NEO1: variants seen among roughly 807,000 people sequenced by gnomAD.
The protein encoded by NEO1 is neogenin 1.
A neutral mutation model predicts 159.7 loss-of-function variants in NEO1; 63 were observed. That is an observed-to-expected ratio of 0.39 (90% CI 0.32 to 0.49). The LOEUF is 0.49. Among genes scored for constraint, NEO1 ranks in the 20% least tolerant of loss-of-function variants. NEO1 has a pLI of 0.85. For missense variants in NEO1, 1,615 were observed against 1,831.0 expected, an observed-to-expected ratio of 0.88 and a Z score of 2.15; for synonymous variants, 633 against 662.0, an observed-to-expected ratio of 0.96 and a Z score of 0.67.
At chr15:73,102,580 G>C (rs1420558158) in intron 1 of NEO1, among the ~76,000 whole-genome samples, 1 of 152,132 alleles carries the variant, frequency 6.6e-6, no homozygotes, top group Non-Finnish European at 1.5e-5. Flanking sequence ...TCTATCTAAT[G>C]AATGGCTGTG....
At chr15:73,103,894 G>T (rs577838695) in intron 1 of NEO1, among the ~76,000 whole-genome samples, 10 of 152,294 alleles carry the variant, frequency 6.6e-5, no homozygotes, top group African/African-American at 1.2e-4. Context: ...TCACTCTGTA[G>T]TCCAGGCTGG....
At chr15:73,293,640 T>G in intron 26 of NEO1, 92 bp downstream of exon 26, 1 of 1,341,520 alleles carries the variant, frequency 7.5e-7, no homozygotes, top group South Asian at 1.5e-5. Context: ...AGAAGAGGGA[T>G]TTGGAATTTT....
intron 1 of NEO1, among the ~76,000 whole-genome samples, chr15:73,115,361 T>C (rs1596029790): frequency 6.6e-6 from 1 of 152,216 alleles, no homozygotes; most frequent in African/African-American, 2.4e-5. Context: ...TAATACCTGC[T>C]TGTGGTGTTT....
chr15:73,145,564 G>A (rs1269670469), intron 5 of NEO1, among the ~76,000 whole-genome samples: 2 of 152,108 alleles, frequency 1.3e-5, no homozygotes, highest in African/African-American at 4.8e-5. Context: ...AAATAAAACA[G>A]CCTACCTATG....
intron 7 of NEO1, among the ~76,000 whole-genome samples, chr15:73,181,265 G>A (rs1166456430): frequency 6.6e-6 from 1 of 152,196 alleles, no homozygotes; most frequent in East Asian, 1.9e-4. Flanking sequence ...ACAATGCCAT[G>A]TGTAATGAGT....
intron 5 of NEO1, among the ~76,000 whole-genome samples, chr15:73,154,206 CT>C (rs2033599580): frequency 6.6e-6 from 1 of 150,536 alleles, no homozygotes; most frequent in African/African-American, 2.5e-5. Flanking sequence ...GTCTAGTATT[CT>C]TTAAAAAAAA....
chr15:73,133,731 G>T (rs1351629180), intron 4 of NEO1, among the ~76,000 whole-genome samples: 1 of 151,692 alleles, frequency 6.6e-6, no homozygotes, highest in Non-Finnish European at 1.5e-5. Context: ...CTGCATCTTT[G>T]AATTTTGGAG....
chr15:73,148,837 C>G (rs2033135191), intron 5 of NEO1, among the ~76,000 whole-genome samples: 1 of 150,700 alleles, frequency 6.6e-6, no homozygotes, highest in African/African-American at 2.4e-5. Context: ...GAAATCATAT[C>G]AGTGGTTTTC....
At chr15:73,095,213 A>G (rs1451378864) in intron 1 of NEO1, among the ~76,000 whole-genome samples, 5 of 152,148 alleles carry the variant, frequency 3.3e-5, no homozygotes, top group Admixed American at 2.0e-4. Context: ...GTCTTAAAAA[A>G]AAAAAAAAAA....
intron 7 of NEO1, among the ~76,000 whole-genome samples, chr15:73,184,595 T>C (rs1158949017): frequency 6.6e-6 from 1 of 152,210 alleles, no homozygotes; most frequent in Admixed American, 6.5e-5. Flanking sequence ...TAAACCGTTG[T>C]ACATCTAGAC....
At position 73,057,728 on chromosome 15, in the gene NEO1, C is replaced by T. The variant is rs2067778277; in HGVS notation, c.130+4923C>T. On this transcript the variant is annotated intron_variant, in intron 1 of 28. Transcript: ENST00000261908. ...CCACTGGTATGATTTTGGTATATTT[C>T]TTTCTACTTACTGCCTATATGGCAC... 2.0e-5 allele frequency among the ~76,000 whole-genome samples: 3 copies of T among 152,156 alleles called. No individual in the cohort carries two copies. In the South Asian group the frequency reaches 6.2e-4, roughly 31 times the overall value.
intron 1 of NEO1, among the ~76,000 whole-genome samples, chr15:73,092,991 A>G (rs1451408670): frequency 1.3e-5 from 2 of 152,046 alleles, no homozygotes; most frequent in Non-Finnish European, 2.9e-5. Flanking sequence ...TTTAATTGTT[A>G]TGTCTTCTTG....
At chr15:73,058,922 C>G (rs1408258811) in intron 1 of NEO1, among the ~76,000 whole-genome samples, 1 of 152,108 alleles carries the variant, frequency 6.6e-6, no homozygotes, top group East Asian at 1.9e-4. Context: ...GCAAAAGTCA[C>G]CTTTTTTTCA....
rs990657591 is a variant in NEO1 at position 73,115,052 on chromosome 15, C to CT, written c.131-1477dup. On this transcript the variant is annotated intron_variant, in intron 1 of 28. Transcript: ENST00000261908. ...TAAATGGGCATAGAGACCTGAAACA[C>CT]TTTTTTTTTTTGAGACGGAGTCTGG... Among the ~76,000 whole-genome samples the CT allele has an allele frequency of 9.8e-3, 1,434 of 146,982 alleles. 24 individuals are homozygous for CT. Among genetic ancestry groups the CT allele is most frequent in the African/African-American group, 0.032 (1,281 of 40,412 alleles).
rs976045390 is a variant in NEO1, at chr15:73,302,870, C to CCCTG, written c.*175_*178dup. 2.8e-5 allele frequency: 16 copies of CCCTG among 577,736 alleles called. No homozygotes were observed. The African/African-American group carries it at 3.0e-4, about 11-fold the overall frequency. 35.8% of individuals were successfully genotyped at this position (577,736 alleles called of 1,614,324 possible). On this transcript the variant is annotated 3_prime_UTR_variant, in exon 29 of 29. Coordinates refer to ENST00000261908, the MANE Select transcript of NEO1 (RefSeq NM_002499.4). ...GCTCCAGGCATGGCCACCTGCCTTC[C>CCCTG]CCTGGTCAGCCTGGAAGAAGCCTGT...
chr15:73,153,943 C>T (rs969621964), intron 5 of NEO1, among the ~76,000 whole-genome samples: 8 of 151,950 alleles, frequency 5.3e-5, no homozygotes, highest in Admixed American at 2.0e-4. Flanking sequence ...TTTTGACTTG[C>T]CAAGAAATTT....
At chr15:73,179,343 A>ATAG in intron 7 of NEO1, among the ~76,000 whole-genome samples, 1 of 152,126 alleles carries the variant, frequency 6.6e-6, no homozygotes, top group Non-Finnish European at 1.5e-5. Flanking sequence ...ACCCTGTTGG[A>ATAG]GAGGGTGTAA....
At chr15:73,295,230 T>TA (rs1191952354) in intron 26 of NEO1, among the ~76,000 whole-genome samples, 1 of 150,822 alleles carries the variant, frequency 6.6e-6, no homozygotes, top group Non-Finnish European at 1.5e-5. Flanking sequence ...GATGGACAGT[T>TA]ACTCCAGCCA....
intron 11 of NEO1, among the ~76,000 whole-genome samples, chr15:73,250,655 A>T (rs2040023169): frequency 1.3e-5 from 2 of 152,152 alleles, no homozygotes; most frequent in South Asian, 2.1e-4. Context: ...TGCAAAAAAA[A>T]TTTTTATTTT....
Sources: allele counts gnomAD v4.1 joint callset (sites outside exome capture counted in the v4.1 genomes callset), GRCh38; gene constraint gnomAD v4.1.1; transcripts MANE v1.5; gene names NCBI Gene and HGNC (gene_info 2026-07-23, HGNC 2026-07-21).